Variants in RTN4 observed in about 807,000 individuals in gnomAD.
RTN4 encodes the protein reticulon-4.
In RTN4, 32 loss-of-function variants were observed where a neutral mutation model predicts 90.4. The ratio of observed to expected loss-of-function variants is 0.35; its 90% CI spans 0.27 to 0.48. The LOEUF (loss-of-function observed/expected upper bound fraction) is 0.48, where lower values mean the gene tolerates loss of function less well. RTN4 is among the 20% of genes least tolerant of loss of function. The pLI, the probability that RTN4 is intolerant of heterozygous loss-of-function variation, is 0.99. For missense variants in RTN4, 1,706 were observed against 1,430.2 expected, an observed-to-expected ratio of 1.19 and a Z score of -3.11; for synonymous variants, 629 against 552.5, an observed-to-expected ratio of 1.14 and a Z score of -1.94.
intron 1 of RTN4, chr2:55,046,953 C>T (rs986213368): frequency 1.3e-5 from 2 of 152,226 alleles, no homozygotes; most frequent in African/African-American, 4.8e-5. Flanking sequence ...CTGTCACCCC[C>T]TGAATCCCTA....
At chr2:55,103,464 T>C (rs1260872128) in intron 1 of RTN4, among the ~76,000 whole-genome samples, 1 of 152,030 alleles carries the variant, frequency 6.6e-6, no homozygotes, top group Non-Finnish European at 1.5e-5. Flanking sequence ...AGGGTAGCTC[T>C]TATACTGAGT....
chr2:54,976,470 T>C (rs1677643537), intron 5 of RTN4, among the ~76,000 whole-genome samples: 1 of 152,244 alleles, frequency 6.6e-6, no homozygotes, highest in South Asian at 2.1e-4. Context: ...ATATGCATTC[T>C]TCCTCTCAAA....
chr2:55,035,798 A>G (rs1046555314), intron 1 of RTN4, among the ~76,000 whole-genome samples: 2 of 152,188 alleles, frequency 1.3e-5, no homozygotes, highest in Non-Finnish European at 2.9e-5. Flanking sequence ...TATTATGCAC[A>G]CATTTATGAC....
chr2:55,136,809 C>G, the RTN4 span, among the ~76,000 whole-genome samples: 2 of 152,234 alleles, frequency 1.3e-5, no homozygotes, highest in Non-Finnish European at 2.9e-5. Flanking sequence ...TCTAGATTCT[C>G]TTCCAGGCTG....
chr2:54,994,428 C>G (rs563951165), intron 3 of RTN4, among the ~76,000 whole-genome samples: 1 of 152,192 alleles, frequency 6.6e-6, no homozygotes, highest in Non-Finnish European at 1.5e-5. Flanking sequence ...ATTAAACATA[C>G]GAAAATCAAT....
At chr2:55,006,319 G>T (rs1389499603) in intron 3 of RTN4, among the ~76,000 whole-genome samples, 1 of 152,136 alleles carries the variant, frequency 6.6e-6, no homozygotes, top group Non-Finnish European at 1.5e-5. Flanking sequence ...ACTGAAAGGA[G>T]AGTCGTTCCA....
chr2:55,010,328 C>A, intron 3 of RTN4: 1 of 1,386,928 alleles, frequency 7.2e-7, no homozygotes, highest in Non-Finnish European at 9.4e-7. Flanking sequence ...CAATCTGTAA[C>A]TAGGCTACTA....
rs545543647 is a variant in RTN4 at position 54,973,128 on chromosome 2, G to A, written c.*28C>T. On this transcript the variant is annotated 3_prime_UTR_variant, in exon 9 of 9. Coordinates refer to ENST00000337526, the MANE Select transcript of RTN4 (RefSeq NM_020532.5). ...TCAAATGAATATCCCCTTTAAAGATGAACTCCTACTAATTATTTTGGGCGT... is the reference window on the plus strand; with the variant it reads ...TCAAATGAATATCCCCTTTAAAGATAAACTCCTACTAATTATTTTGGGCGT... 1.1e-5 allele frequency: 17 copies of A among 1,587,570 alleles called. No homozygotes were observed. In the African/African-American group the frequency reaches 1.5e-4, roughly 14 times the overall value.
upstream of RTN4, among the ~76,000 whole-genome samples, chr2:55,116,479 G>A (rs12713287): frequency 0.61 from 93,245 of 152,050 alleles, 29,866 homozygotes; most frequent in African/African-American, 0.79. Context: ...CAGTTTCCTC[G>A]TCTGAAATTC....
chr2:54,989,408 G>C (rs1460994272), intron 3 of RTN4, among the ~76,000 whole-genome samples: 2 of 152,106 alleles, frequency 1.3e-5, no homozygotes, highest in Non-Finnish European at 2.9e-5. Context: ...ACATCTAAAG[G>C]CGCTTAGTGC....
chr2:55,088,581 A>G (rs757268695), intron 1 of RTN4, among the ~76,000 whole-genome samples: 3 of 152,250 alleles, frequency 2.0e-5, no homozygotes, highest in East Asian at 1.9e-4. Flanking sequence ...ATTGGTTTGC[A>G]TATTTTCAAA....
intron 3 of RTN4, among the ~76,000 whole-genome samples, chr2:55,000,576 C>G (rs17046578): frequency 6.6e-6 from 1 of 152,134 alleles, no homozygotes; most frequent in Non-Finnish European, 1.5e-5. Flanking sequence ...ACATTGTATA[C>G]ATTACCTCGA....
rs190834957 is a variant in RTN4, at chr2:55,089,404, G to A, written c.-213-8765C>T. Reference sequence around the variant, plus strand: ...AAGCCTTCACTCTGGGCTAGAGCAGGGTCTCTGTTCTGGTTTGAGGCCACC... The same window carrying A: ...AAGCCTTCACTCTGGGCTAGAGCAGAGTCTCTGTTCTGGTTTGAGGCCACC... On this transcript the variant is annotated intron_variant, in intron 1 of 3. Coordinates refer to the RTN4 transcript ENST00000427710. Among the ~76,000 whole-genome samples, 221 of 152,230 alleles carry A rather than the reference G, an allele frequency of 1.5e-3. 1 individual carries two copies. The highest frequency in any genetic ancestry group is 5.0e-3 in the African/African-American group (208 of 41,528).
At chr2:54,976,947 G>T (rs564935874) in intron 5 of RTN4, among the ~76,000 whole-genome samples, 1 of 152,302 alleles carries the variant, frequency 6.6e-6, no homozygotes, top group East Asian at 1.9e-4. Flanking sequence ...ATGTAATGAA[G>T]ATCTAACAAA....
chr2:55,118,799 G>A, the RTN4 span, among the ~76,000 whole-genome samples: 15 of 152,300 alleles, frequency 9.8e-5, no homozygotes, highest in East Asian at 1.5e-3. Flanking sequence ...GGACGCAACC[G>A]TTCTGTTCCC....
the RTN4 span, among the ~76,000 whole-genome samples, chr2:55,124,022 C>T: frequency 6.6e-6 from 1 of 152,172 alleles, no homozygotes; most frequent in South Asian, 2.1e-4. Context: ...TGGCCCACAG[C>T]TGAGCAAAGG....
chr2:54,990,828 C>G (rs543844833), intron 3 of RTN4, among the ~76,000 whole-genome samples: 1 of 152,048 alleles, frequency 6.6e-6, no homozygotes. Context: ...CACTGTCGCC[C>G]GGGCTGGAGT....
intron 2 of RTN4, among the ~76,000 whole-genome samples, 155 bp from the exon 3 acceptor site, chr2:55,027,640 C>A (rs1468883621): frequency 2.0e-5 from 3 of 152,076 alleles, no homozygotes; most frequent in African/African-American, 4.8e-5. Flanking sequence ...GAGTAGACTT[C>A]AATCATTACT....
At chr2:55,096,240 C>T (rs1669031391) in intron 1 of RTN4, among the ~76,000 whole-genome samples, 2 of 151,942 alleles carry the variant, frequency 1.3e-5, no homozygotes, top group South Asian at 2.1e-4. Flanking sequence ...GCAGGAGAAT[C>T]GCTTGAACCC....
Sources: allele counts gnomAD v4.1 joint callset (sites outside exome capture counted in the v4.1 genomes callset), GRCh38; gene constraint gnomAD v4.1.1; transcripts MANE v1.5; gene names NCBI Gene and HGNC (gene_info 2026-07-23, HGNC 2026-07-21).